Variants in ENOX1 observed in about 807,000 individuals in gnomAD.
ENOX1 encodes the protein ecto-NOX disulfide-thiol exchanger 1, also known as candidate growth-related and time keeping constitutive hydroquinone (NADH) oxidase.
Under a neutral mutation model 82.5 loss-of-function variants are expected in ENOX1, and 42 were observed. That is an observed-to-expected ratio of 0.51 (90% CI 0.40 to 0.66). The LOEUF (loss-of-function observed/expected upper bound fraction) is 0.66, where lower values mean the gene tolerates loss of function less well. Among genes scored for constraint, ENOX1 ranks in the 30% least tolerant of loss-of-function variants. The pLI is 0.00. For missense variants in ENOX1, 608 were observed against 811.6 expected (o/e 0.75, Z 3.05); for synonymous variants, 271 against 282.2 (o/e 0.96, Z 0.40).
rs575562231 is a variant in ENOX1 at position 43,749,985 on chromosome 13, T to C, written c.-285+36667A>G. Among the ~76,000 whole-genome samples the C allele has an allele frequency of 9.2e-5, 14 of 152,274 alleles. No homozygotes were observed. In the East Asian group the frequency reaches 2.5e-3, roughly 27 times the overall value. ...TCTAAAATTAATACACATCACCATC[T>C]CCAGGACTACCAAAAATGCAAATGC... On this transcript the variant is annotated intron_variant, in intron 1 of 16. Coordinates refer to ENST00000690772, the MANE Select transcript of ENOX1 (RefSeq NM_001347969.2).
At chr13:43,281,119 A>T (rs1434518546) in intron 12 of ENOX1, among the ~76,000 whole-genome samples, 1 of 152,148 alleles carries the variant, frequency 6.6e-6, no homozygotes, top group African/African-American at 2.4e-5. Context: ...ATAGGCTTTC[A>T]ACCACCTATA....
intron 3 of ENOX1, among the ~76,000 whole-genome samples, chr13:43,413,844 C>A (rs1217042391): frequency 6.6e-6 from 1 of 151,424 alleles, no homozygotes; most frequent in East Asian, 1.9e-4. Context: ...CTTCTCTCCA[C>A]CCTTAGAAAT....
chr13:43,556,180 C>T (rs185367051), intron 2 of ENOX1, among the ~76,000 whole-genome samples: 1 of 151,552 alleles, frequency 6.6e-6, no homozygotes, highest in African/African-American at 2.4e-5. Flanking sequence ...CTCTTTGATG[C>T]TTCCAGGAAA....
At chr13:43,507,794 G>A (rs2077225187) in intron 2 of ENOX1, among the ~76,000 whole-genome samples, 1 of 151,908 alleles carries the variant, frequency 6.6e-6, no homozygotes, top group Non-Finnish European at 1.5e-5. Context: ...ATTTCCTGAG[G>A]TGAAAGTACT....
intron 5 of ENOX1, among the ~76,000 whole-genome samples, chr13:43,373,296 G>T (rs536170839): frequency 9.4e-4 from 143 of 152,166 alleles, no homozygotes; most frequent in African/African-American, 2.9e-3. Context: ...GTGCCATACA[G>T]TTTCTCTACA....
chr13:43,368,556 T>C (rs2051004195), intron 5 of ENOX1, among the ~76,000 whole-genome samples: 1 of 152,180 alleles, frequency 6.6e-6, no homozygotes, highest in Non-Finnish European at 1.5e-5. Context: ...TCACTCACAC[T>C]GTGGGCCAGG....
At chr13:43,699,385 A>G (rs1359134542) in intron 1 of ENOX1, among the ~76,000 whole-genome samples, 6 of 152,216 alleles carry the variant, frequency 3.9e-5, no homozygotes, top group African/African-American at 1.4e-4. Flanking sequence ...ATGGTACCCC[A>G]GCACAATCGG....
chr13:43,613,646 T>A (rs1283618292), intron 2 of ENOX1, among the ~76,000 whole-genome samples: 1 of 152,158 alleles, frequency 6.6e-6, no homozygotes, highest in Admixed American at 6.5e-5. Context: ...AAAAATTATA[T>A]GCCAACAAAT....
At chr13:43,275,453 T>A (rs558251432) in intron 12 of ENOX1, among the ~76,000 whole-genome samples, 1 of 152,232 alleles carries the variant, frequency 6.6e-6, no homozygotes, top group East Asian at 1.9e-4. Flanking sequence ...TTTGGCAGGA[T>A]AGTGTGGGGT....
intron 7 of ENOX1, among the ~76,000 whole-genome samples, chr13:43,357,501 C>T (rs898210434): frequency 6.6e-6 from 1 of 152,150 alleles, no homozygotes; most frequent in Non-Finnish European, 1.5e-5. Context: ...ACAAAAACAT[C>T]TAATCACAGA....
intron 8 of ENOX1, among the ~76,000 whole-genome samples, chr13:43,345,647 T>C (rs1375585707): frequency 6.6e-6 from 1 of 152,228 alleles, no homozygotes; most frequent in African/African-American, 2.4e-5. Context: ...AACTGGAAGT[T>C]GTATGTCAGT....
At chr13:43,655,986 G>A (rs1385472083) in intron 2 of ENOX1, among the ~76,000 whole-genome samples, 2 of 152,146 alleles carry the variant, frequency 1.3e-5, no homozygotes, top group Non-Finnish European at 2.9e-5. Context: ...AGTAATCACT[G>A]TCTTGACCTC....
At chr13:43,666,946 C>CT (rs1479333374) in intron 2 of ENOX1, among the ~76,000 whole-genome samples, 1 of 152,026 alleles carries the variant, frequency 6.6e-6, no homozygotes, top group East Asian at 1.9e-4. Flanking sequence ...GTTTAATCCT[C>CT]TAAGAAGGTG....
At chr13:43,312,738 G>T (rs2047277451) in intron 11 of ENOX1, among the ~76,000 whole-genome samples, 2 of 152,146 alleles carry the variant, frequency 1.3e-5, no homozygotes, top group Non-Finnish European at 2.9e-5. Context: ...TAGCAAATGG[G>T]TGGTACCAAT....
rs149320411 is a variant in ENOX1, at chr13:43,293,322, G to A, written c.1446+5024C>T. Among the ~76,000 whole-genome samples, 981 of 151,530 alleles carry A rather than the reference G, an allele frequency of 6.5e-3. 11 individuals are homozygous for A. Among genetic ancestry groups the A allele is most frequent in the African/African-American group, 0.018 (756 of 41,274 alleles). ...CCACCACAGCCAGCACCCCCACCAC[G>A]GCCATCTTCACCACCATAGTTACCT... On this transcript the variant is annotated intron_variant, in intron 12 of 16. Coordinates refer to ENST00000690772, the MANE Select transcript of ENOX1 (RefSeq NM_001347969.2).
intron 2 of ENOX1, among the ~76,000 whole-genome samples, chr13:43,639,616 C>CT (rs889881085): frequency 3.9e-5 from 6 of 152,302 alleles, no homozygotes; most frequent in Admixed American, 2.0e-4. Context: ...TTTGGTGTCA[C>CT]TGAAGAGACC....
chr13:43,314,571 G>A (rs1461408175), intron 11 of ENOX1, among the ~76,000 whole-genome samples: 1 of 152,190 alleles, frequency 6.6e-6, no homozygotes, highest in Non-Finnish European at 1.5e-5. Flanking sequence ...AAGCAGAGGA[G>A]AATTAGGACA....
chr13:43,271,310 C>CAAAT (rs1312864163), intron 12 of ENOX1, among the ~76,000 whole-genome samples: 3 of 152,066 alleles, frequency 2.0e-5, no homozygotes, highest in South Asian at 4.2e-4. Context: ...TGAAGTTGCA[C>CAAAT]AAATGTCTTC....
intron 11 of ENOX1, among the ~76,000 whole-genome samples, chr13:43,302,110 T>TA (rs57152548): frequency 4.1e-5 from 6 of 148,130 alleles, no homozygotes; most frequent in Non-Finnish European, 4.5e-5. Flanking sequence ...GTATAAGGAT[T>TA]AAAAAAAAAA....
Sources: allele counts gnomAD v4.1 joint callset (sites outside exome capture counted in the v4.1 genomes callset), GRCh38; gene constraint gnomAD v4.1.1; transcripts MANE v1.5; gene names NCBI Gene and HGNC (gene_info 2026-07-23, HGNC 2026-07-21).